ANK3: variants seen among roughly 807,000 people sequenced by gnomAD.
The protein encoded by ANK3 is ankyrin 3.
ANK3 carries 57 observed loss-of-function variants against 370.9 expected under a neutral mutation model. The ratio of observed to expected loss-of-function variants is 0.15; its 90% confidence interval spans 0.12 to 0.19. ANK3 has a LOEUF of 0.19. Among genes scored for constraint, ANK3 ranks in the 10% least tolerant of loss-of-function variants. ANK3 has a pLI of 1.00. For missense variants in ANK3, 4,439 were observed against 5,302.1 expected, an observed-to-expected ratio of 0.84 and a Z score of 5.06; for synonymous variants, 1,929 against 1,946.3, an observed-to-expected ratio of 0.99 and a Z score of 0.23.
intron 20 of ANK3, 94 bp from the exon 21 acceptor site, chr10:60,172,497 C>T (rs866194337): frequency 1.1e-6 from 1 of 934,166 alleles, no homozygotes. Flanking sequence ...TCATCAGACC[C>T]ATCCCACTGT....
At chr10:60,104,393 GAAAC>G (rs2091870064) in intron 28 of ANK3, among the ~76,000 whole-genome samples, 1 of 54,424 alleles carries the variant, frequency 1.8e-5, no homozygotes, top group Non-Finnish European at 3.3e-5. Context: ...AAAAAAAAAA[GAAAC>G]AAAGAAAGAA....
Position 60,406,608 on chromosome 10 carries a change from G to A in ANK3, c.97-126969C>T, listed in dbSNP as rs544074705. ...TGGCTCACCTCCTGCTGTGTGGCCT[G>A]GTTCCTAACAGGCCTACAGACTGGT... On this transcript the variant is annotated intron_variant, in intron 2 of 43. Coordinates refer to the ANK3 transcript ENST00000373827. Among the ~76,000 whole-genome samples the A allele has an allele frequency of 1.0e-3, 152 of 152,306 alleles. 1 individual carries two copies. Among genetic ancestry groups the A allele is most frequent in the South Asian group, 3.5e-3 (17 of 4,826 alleles).
chr10:60,391,882 A>G (rs1567000143), upstream of ANK3, among the ~76,000 whole-genome samples: 1 of 152,154 alleles, frequency 6.6e-6, no homozygotes, highest in Non-Finnish European at 1.5e-5. Flanking sequence ...CTATAATGTG[A>G]CTTTTTTGTT....
chr10:60,676,490 T>A (rs1274524839), intron 1 of ANK3, among the ~76,000 whole-genome samples: 1 of 152,232 alleles, frequency 6.6e-6, no homozygotes, highest in Non-Finnish European at 1.5e-5. Context: ...CAGTACTTTG[T>A]CATATTTGCT....
At chr10:60,452,589 G>A (rs1054230818) in intron 2 of ANK3, among the ~76,000 whole-genome samples, 2 of 152,206 alleles carry the variant, frequency 1.3e-5, no homozygotes, top group Non-Finnish European at 2.9e-5. Flanking sequence ...AGTAAGGAAT[G>A]CCAACTGCAG....
chr10:60,405,341 A>G (rs181226318), intron 2 of ANK3, among the ~76,000 whole-genome samples: 1 of 151,978 alleles, frequency 6.6e-6, no homozygotes, highest in African/African-American at 2.4e-5. Flanking sequence ...GAAGGAAAAA[A>G]CCCCTACTGT....
intron 1 of ANK3, among the ~76,000 whole-genome samples, chr10:60,719,158 T>C (rs905280692): frequency 1.3e-5 from 2 of 152,142 alleles, no homozygotes; most frequent in African/African-American, 4.8e-5. Flanking sequence ...ACTTGCTTTT[T>C]TGCTTTACTA....
intron 16 of ANK3, among the ~76,000 whole-genome samples, chr10:60,189,186 A>G (rs1269730858): frequency 6.6e-6 from 1 of 152,224 alleles, no homozygotes; most frequent in Non-Finnish European, 1.5e-5. Flanking sequence ...TCCTAAAAAA[A>G]TGTTTTAATC....
At chr10:60,326,983 G>T (rs541198844) in intron 1 of ANK3, among the ~76,000 whole-genome samples, 1 of 151,056 alleles carries the variant, frequency 6.6e-6, no homozygotes, top group Non-Finnish European at 1.5e-5. Flanking sequence ...TGGTGCCACT[G>T]CACTCCAGCC....
chr10:60,043,720 A>G (rs372181918), intron 42 of ANK3: 1 of 985,394 alleles, frequency 1.0e-6, no homozygotes, highest in Non-Finnish European at 1.2e-6. Flanking sequence ...CCCCTGTCCC[A>G]ACAGACACTC....
chr10:60,187,219 G>GCA (rs2096364671), intron 16 of ANK3, among the ~76,000 whole-genome samples: 2 of 151,770 alleles, frequency 1.3e-5, no homozygotes, highest in Admixed American at 6.6e-5. Context: ...GCAGTGGCTG[G>GCA]ATCTCGGCTC....
At chr10:60,227,463 C>T (rs1412218977) in intron 8 of ANK3, among the ~76,000 whole-genome samples, 2 of 152,038 alleles carry the variant, frequency 1.3e-5, no homozygotes, top group Non-Finnish European at 2.9e-5. Flanking sequence ...TTGAGTGCTG[C>T]AGTTTATGAT....
intron 23 of ANK3, among the ~76,000 whole-genome samples, chr10:60,157,217 A>C (rs192472320): frequency 4.1e-4 from 62 of 151,804 alleles, no homozygotes; most frequent in African/African-American, 1.4e-3. Context: ...TTGTATTTTT[A>C]GTAGAGACAG....
At chr10:60,721,396 G>A (rs924172549) in intron 1 of ANK3, among the ~76,000 whole-genome samples, 6 of 152,188 alleles carry the variant, frequency 3.9e-5, no homozygotes, top group Non-Finnish European at 1.5e-5. Context: ...AGTATAGCAT[G>A]GTCACAGGAT....
intron 4 of ANK3, among the ~76,000 whole-genome samples, chr10:60,273,429 C>T (rs2098032874): frequency 1.3e-5 from 2 of 152,014 alleles, no homozygotes; most frequent in Non-Finnish European, 2.9e-5. Flanking sequence ...TTGGGCAACC[C>T]TTCCCACTAT....
intron 1 of ANK3, among the ~76,000 whole-genome samples, chr10:60,672,575 G>A (rs952316911): frequency 6.6e-6 from 1 of 152,174 alleles, no homozygotes; most frequent in African/African-American, 2.4e-5. Context: ...CCAGTGCTCA[G>A]GACCCTTCCA....
chr10:60,566,080 T>A (rs189502968), intron 2 of ANK3, among the ~76,000 whole-genome samples: 95 of 152,340 alleles, frequency 6.2e-4, no homozygotes, highest in Admixed American at 5.9e-3. Context: ...TCTTTATTAT[T>A]ATATCTATTT....
intron 2 of ANK3, among the ~76,000 whole-genome samples, chr10:60,450,874 C>T (rs959872464): frequency 1.3e-5 from 2 of 151,918 alleles, no homozygotes; most frequent in Admixed American, 6.6e-5. Flanking sequence ...AGTAGGCACT[C>T]CTGCAGTGGG....
intron 1 of ANK3, among the ~76,000 whole-genome samples, chr10:60,617,469 C>G (rs1443662825): frequency 6.6e-6 from 1 of 152,126 alleles, no homozygotes; most frequent in African/African-American, 2.4e-5. Flanking sequence ...TGAGGCACAC[C>G]TGAGCTCTGA....
Sources: gnomAD v4.1 joint callset for allele counts (sites outside exome capture counted in the v4.1 genomes callset) on GRCh38, gnomAD v4.1.1 for gene constraint, MANE v1.5 for transcripts, NCBI Gene and HGNC (gene_info 2026-07-23, HGNC 2026-07-21) for gene names.